The following TSG101 variants were observed in gnomAD, a reference collection of about 807,000 sequenced individuals.
The protein encoded by TSG101 is tumor susceptibility 101.
In TSG101, 19 loss-of-function variants were observed where a neutral mutation model predicts 48.5. The ratio of observed to expected loss-of-function variants is 0.39; its 90% CI spans 0.27 to 0.58. TSG101 has a LOEUF of 0.58. Ranked by LOEUF, TSG101 falls within the 20% of genes least tolerant of loss-of-function variation. TSG101 has a pLI of 0.55. For missense variants in TSG101, 365 were observed against 484.4 expected (o/e 0.75, Z 2.31); for synonymous variants, 174 against 169.4 (o/e 1.03, Z -0.21).
At chr11:18,482,708 T>C (rs1051231516) in intron 8 of TSG101, among the ~76,000 whole-genome samples, 1 of 152,244 alleles carries the variant, frequency 6.6e-6, no homozygotes, top group Non-Finnish European at 1.5e-5. Context: ...TGTAGCTCTT[T>C]AGCCAACCAA....
At chr11:18,517,792 T>C (rs1301045939) in intron 2 of TSG101, among the ~76,000 whole-genome samples, 2 of 152,220 alleles carry the variant, frequency 1.3e-5, no homozygotes, top group African/African-American at 4.8e-5. Context: ...ACCATATCTC[T>C]ATCACTACAA....
intron 7 of TSG101, among the ~76,000 whole-genome samples, chr11:18,485,912 C>G (rs1303587568): frequency 6.6e-6 from 1 of 152,244 alleles, no homozygotes; most frequent in Non-Finnish European, 1.5e-5. Context: ...CTGCTGGTCC[C>G]GGATGAAACC....
At chr11:18,485,135 T>G (rs1849602036) in intron 7 of TSG101, among the ~76,000 whole-genome samples, 1 of 152,112 alleles carries the variant, frequency 6.6e-6, no homozygotes, top group African/African-American at 2.4e-5. Context: ...TGTTAGATGA[T>G]CCTGCTTTTT....
At chr11:18,494,557 A>G (rs1849747149) in intron 7 of TSG101, among the ~76,000 whole-genome samples, 1 of 152,206 alleles carries the variant, frequency 6.6e-6, no homozygotes, top group Non-Finnish European at 1.5e-5. Context: ...TGTTATCATT[A>G]TTGCTTTGGC....
chr11:18,482,626 G>A (rs953410883), intron 8 of TSG101, among the ~76,000 whole-genome samples: 4 of 152,162 alleles, frequency 2.6e-5, no homozygotes, highest in East Asian at 1.9e-4. Context: ...ACTTACACAC[G>A]GACTGTCCAA....
At chr11:18,499,196 AAT>A (rs900655889) in intron 7 of TSG101, among the ~76,000 whole-genome samples, 16 of 128,686 alleles carry the variant, frequency 1.2e-4, no homozygotes, top group African/African-American at 4.2e-4. Flanking sequence ...TTCTTTTTTA[AAT>A]ATATATATAT....
At chr11:18,483,824 G>C in intron 8 of TSG101, 46 bp downstream of exon 8, 1 of 1,599,674 alleles carries the variant, frequency 6.3e-7, no homozygotes, top group Non-Finnish European at 8.5e-7. Context: ...CTCTGCCATG[G>C]CTACAATTCA....
chr11:18,499,144 C>T (rs1849830350), intron 7 of TSG101, among the ~76,000 whole-genome samples: 1 of 146,598 alleles, frequency 6.8e-6, no homozygotes, highest in South Asian at 2.1e-4. Flanking sequence ...AGAATGAAGA[C>T]ATCCAATAGT....
chr11:18,511,983 T>C (rs1308731619), intron 4 of TSG101, among the ~76,000 whole-genome samples: 1 of 152,232 alleles, frequency 6.6e-6, no homozygotes, highest in Non-Finnish European at 1.5e-5. Context: ...CATTCATACA[T>C]TCTTACAGTT....
intron 5 of TSG101, among the ~76,000 whole-genome samples, chr11:18,508,318 C>T (rs867049604): frequency 1.3e-5 from 2 of 150,654 alleles, no homozygotes; most frequent in Admixed American, 6.6e-5. Flanking sequence ...GCCTCAGCCT[C>T]CCGAGTAGCT....
At chr11:18,509,392 C>G (rs1850038815) in intron 5 of TSG101, 150 bp downstream of exon 5, 1 of 1,033,350 alleles carries the variant, frequency 9.7e-7, no homozygotes, top group Non-Finnish European at 1.3e-6. Context: ...TCTGTACATG[C>G]AGATGTGGGG....
chr11:18,481,515 G>T, intron 9 of TSG101, 115 bp downstream of exon 9: 1 of 1,477,872 alleles, frequency 6.8e-7, no homozygotes. Context: ...TGTTTTTTGG[G>T]AAGATAAAGA....
At position 18,496,810 on chromosome 11, in the gene TSG101, G is replaced by A. The variant is rs147252436; in HGVS notation, c.640+5676C>T. On this transcript the variant is annotated intron_variant, in intron 7 of 9. Coordinates refer to ENST00000251968, the MANE Select transcript of TSG101 (RefSeq NM_006292.4). ...TCCTGTATCAAAAAACAAGGATAGC[G>A]CCAGGTGTGGTGGCTCAGGCCTGTA... 6.0e-3 allele frequency among the ~76,000 whole-genome samples: 920 copies of A among 152,208 alleles called. 9 individuals are homozygous for A. The highest frequency in any genetic ancestry group is 0.021 in the African/African-American group (866 of 41,538).
At chr11:18,496,972 T>C (rs577499239) in intron 7 of TSG101, among the ~76,000 whole-genome samples, 1 of 152,044 alleles carries the variant, frequency 6.6e-6, no homozygotes, top group East Asian at 1.9e-4. Context: ...GCTCCTCTAA[T>C]CCCAGCTACT....
intron 5 of TSG101, 56 bp from the exon 6 acceptor site, chr11:18,506,979 G>T: frequency 7.0e-7 from 1 of 1,426,178 alleles, no homozygotes; most frequent in Non-Finnish European, 9.8e-7. Flanking sequence ...GAATATGTAG[G>T]CTACTGAATA....
intron 1 of TSG101, 135 bp from the exon 2 acceptor site, chr11:18,519,738 T>A (rs887508231): frequency 1.7e-5 from 10 of 604,072 alleles, no homozygotes; most frequent in Non-Finnish European, 2.6e-5. Flanking sequence ...AAACCCATAA[T>A]ACTATTATCA....
chr11:18,521,156 C>T (rs909684918), intron 1 of TSG101, among the ~76,000 whole-genome samples: 1 of 152,030 alleles, frequency 6.6e-6, no homozygotes, highest in Non-Finnish European at 1.5e-5. Flanking sequence ...ATATCAGCAA[C>T]CACTGATGCT....
chr11:18,499,300 TTA>T (rs200289940), intron 7 of TSG101, among the ~76,000 whole-genome samples: 2 of 126,178 alleles, frequency 1.6e-5, no homozygotes, highest in Non-Finnish European at 3.2e-5. Flanking sequence ...ATATTTATAT[TTA>T]TATATTTATT....
chr11:18,499,296 A>G (rs867510285), intron 7 of TSG101, among the ~76,000 whole-genome samples: 113 of 109,994 alleles, frequency 1.0e-3, no homozygotes, highest in African/African-American at 3.4e-3. Flanking sequence ...ATATATATTT[A>G]TATTTATATA....
Sources: gnomAD v4.1 joint callset for allele counts (sites outside exome capture counted in the v4.1 genomes callset) on GRCh38, gnomAD v4.1.1 for gene constraint, MANE v1.5 for transcripts, NCBI Gene and HGNC (gene_info 2026-07-23, HGNC 2026-07-21) for gene names.